RASA2: variants seen among roughly 807,000 people sequenced by gnomAD.
The protein encoded by RASA2 is RAS p21 protein activator 2.
RASA2 carries 155 observed loss-of-function variants against 118.2 expected under a neutral mutation model. The ratio of observed to expected loss-of-function variants is 1.31; its 90% CI spans 1.15 to 1.50. The LOEUF (loss-of-function observed/expected upper bound fraction) is 1.50, where lower values mean the gene tolerates loss of function less well. Ranked by LOEUF, RASA2 falls within the 40% of genes most tolerant of loss-of-function variation. The probability of loss-of-function intolerance (pLI) is 0.00; values close to 1 mark genes in which losing one functional copy is unlikely to be tolerated. For missense variants in RASA2, 1,016 were observed against 1,009.6 expected, an observed-to-expected ratio of 1.01 and a Z score of -0.09; for synonymous variants, 353 against 349.1, an observed-to-expected ratio of 1.01 and a Z score of -0.12.
chr3:141,555,150 A>G (rs1192985734), intron 6 of RASA2, among the ~76,000 whole-genome samples: 1 of 152,180 alleles, frequency 6.6e-6, no homozygotes, highest in Non-Finnish European at 1.5e-5. Flanking sequence ...AATCCCAGCT[A>G]CTCGGGAGGC....
chr3:141,524,596 G>GT (rs2082159374), intron 3 of RASA2, among the ~76,000 whole-genome samples: 1 of 151,934 alleles, frequency 6.6e-6, no homozygotes, highest in East Asian at 1.9e-4. Flanking sequence ...TTGTTTGTTT[G>GT]TTTTTTTGAG....
At chr3:141,504,199 G>A (rs921233628) in intron 1 of RASA2, among the ~76,000 whole-genome samples, 3 of 152,192 alleles carry the variant, frequency 2.0e-5, no homozygotes, top group South Asian at 4.1e-4. Context: ...ACATTAGAGA[G>A]CCCTGAGGCT....
chr3:141,487,894 G>A (rs558868615), intron 1 of RASA2, among the ~76,000 whole-genome samples: 113 of 152,308 alleles, frequency 7.4e-4, no homozygotes, highest in African/African-American at 2.6e-3. Flanking sequence ...GCCGGGACTT[G>A]AATCGAGGGA....
At chr3:141,538,713 T>A (rs1357669409) in intron 4 of RASA2, among the ~76,000 whole-genome samples, 1 of 152,198 alleles carries the variant, frequency 6.6e-6, no homozygotes, top group African/African-American at 2.4e-5. Flanking sequence ...CTCACACTTT[T>A]CTTGACCTGG....
At chr3:141,495,867 A>G (rs1317107665) in intron 1 of RASA2, among the ~76,000 whole-genome samples, 1 of 152,252 alleles carries the variant, frequency 6.6e-6, no homozygotes, top group Non-Finnish European at 1.5e-5. Context: ...ATAGCAACTA[A>G]AAAGAATGAG....
intron 5 of RASA2, among the ~76,000 whole-genome samples, chr3:141,551,433 T>G (rs1035051875): frequency 2.6e-5 from 4 of 152,242 alleles, no homozygotes; most frequent in African/African-American, 9.6e-5. Flanking sequence ...CAGCCTCAGA[T>G]GATTTCCTCA....
At position 141,570,946 on chromosome 3, in the gene RASA2, T is replaced by G; in HGVS notation, c.898T>G (p.Ser300Ala). The change falls in exon 10 of 24, where the codon TCA becomes GCA. Residue 300 changes from serine to alanine, a missense_variant. Physicochemically the swap from Ser to Ala is moderately conservative, Grantham distance 99 (BLOSUM62 1). Coordinates refer to ENST00000286364, the MANE Select transcript of RASA2 (RefSeq NM_006506.5). ...LLQPRDNGNK[S>A]SKTDDLGSLR... Reference sequence around the variant, plus strand: ...ACAGCCAAGAGACAATGGAAACAAGTCATCCAAAACTGATGACCTGGGGTC... The same window carrying G: ...ACAGCCAAGAGACAATGGAAACAAGGCATCCAAAACTGATGACCTGGGGTC... 1 of 1,609,874 alleles carries G rather than the reference T, an allele frequency of 6.2e-7. No homozygotes were observed. Among genetic ancestry groups the G allele is most frequent in the Non-Finnish European group, 8.5e-7 (1 of 1,178,542 alleles).
intron 1 of RASA2, among the ~76,000 whole-genome samples, chr3:141,499,727 T>C (rs555086884): frequency 9.2e-5 from 14 of 152,152 alleles, no homozygotes; most frequent in Non-Finnish European, 1.8e-4. Context: ...GCCTCCCGAT[T>C]AGCTGGGACT....
intron 1 of RASA2, 55 bp downstream of exon 1, chr3:141,487,271 G>A: frequency 9.7e-6 from 12 of 1,237,458 alleles, no homozygotes; most frequent in Non-Finnish European, 1.2e-5. Flanking sequence ...GCGAGGCTGA[G>A]GGGGCGGCGG....
At chr3:141,532,164 A>G (rs1330271741) in intron 4 of RASA2, among the ~76,000 whole-genome samples, 5 of 152,150 alleles carry the variant, frequency 3.3e-5, no homozygotes, top group Non-Finnish European at 7.4e-5. Flanking sequence ...TTTTACAAAT[A>G]AGGCAAATGA....
chr3:141,538,246 T>C (rs1279770009), intron 4 of RASA2, among the ~76,000 whole-genome samples: 2 of 152,228 alleles, frequency 1.3e-5, no homozygotes, highest in African/African-American at 4.8e-5. Flanking sequence ...TTTGAGTTTC[T>C]AAAACTGAAA....
chr3:141,563,290 A>G (rs1232596167), intron 9 of RASA2, among the ~76,000 whole-genome samples: 1 of 152,108 alleles, frequency 6.6e-6, no homozygotes, highest in African/African-American at 2.4e-5. Flanking sequence ...TGACATATAT[A>G]TATATGAGTT....
chr3:141,512,136 T>C, intron 1 of RASA2, 27 bp from the exon 2 acceptor site: 1 of 1,477,324 alleles, frequency 6.8e-7, no homozygotes, highest in Non-Finnish European at 9.4e-7. Context: ...TGATATTTAA[T>C]AACAATTTTA....
Position 141,608,792 on chromosome 3 carries a change from G to T in RASA2, c.2225+95G>T, listed in dbSNP as rs568943654. The T allele has an allele frequency of 3.2e-5, 43 of 1,330,900 alleles. No homozygotes were observed. In the Admixed American group the frequency reaches 8.6e-4, roughly 27 times the overall value. The allele number at this position is 1,330,900 out of a possible 1,614,324, so 82.4% of individuals were successfully genotyped here. On this transcript the variant is annotated intron_variant, in intron 21 of 23. Transcript: ENST00000286364. ...TGTCCATGAAAAGGAATGACATACT[G>T]ATCCATGCAACAACAAGGATGGGAC...
intron 1 of RASA2, among the ~76,000 whole-genome samples, chr3:141,492,552 A>G (rs553424390): frequency 2.0e-5 from 3 of 152,378 alleles, no homozygotes; most frequent in South Asian, 2.1e-4. Context: ...ATTAATGACA[A>G]TGACTTTGGG....
chr3:141,518,049 TG>T (rs983526631), intron 3 of RASA2, among the ~76,000 whole-genome samples: 1 of 152,226 alleles, frequency 6.6e-6, no homozygotes, highest in African/African-American at 2.4e-5. Flanking sequence ...GTCACATTCC[TG>T]ATCTTTGCAC....
rs767782524 is a variant in RASA2, at chr3:141,516,425, C to T, written c.349C>T (p.Arg117Cys). The change falls in exon 3 of 24, where the codon CGT (arginine) becomes TGT (cysteine). Residue 117 changes from arginine to cysteine, a missense_variant. Physicochemically the swap from Arg to Cys is radical, Grantham distance 180. Around this residue, in one of 2 missense-constraint regions of RASA2, gnomAD observed 896 missense variants for 836.4 expected, o/e 1.07. Coordinates refer to ENST00000286364, the MANE Select transcript of RASA2 (RefSeq NM_006506.5). The stretch of plus-strand genomic sequence containing the variant: ...TAAGAATGTTTTACAAAGAGATCTC[C>T]GTATAGGTATGTACTATTCATAATT... The part of the protein sequence containing the change: ...YDKNVLQRDL[R>C]IGKVAIKKED... The T allele has an allele frequency of 7.2e-6, 11 of 1,531,744 alleles. No individual in the cohort carries two copies. The highest frequency in any genetic ancestry group is 2.6e-5 in the South Asian group (2 of 77,858). The allele number at this position is 1,531,744 out of a possible 1,614,324, so 94.9% of individuals were successfully genotyped here.
At chr3:141,549,250 C>T (rs928223444) in intron 5 of RASA2, among the ~76,000 whole-genome samples, 6 of 152,080 alleles carry the variant, frequency 3.9e-5, no homozygotes, top group African/African-American at 1.2e-4. Context: ...AGTTTTGCTC[C>T]TTCAGTTATG....
chr3:141,494,149 T>C (rs1011682824), intron 1 of RASA2, among the ~76,000 whole-genome samples: 2 of 152,236 alleles, frequency 1.3e-5, no homozygotes, highest in East Asian at 1.9e-4. Context: ...TGTAAGCATG[T>C]CATTTTTAAT....
Sources: gnomAD v4.1 joint callset for allele counts (sites outside exome capture counted in the v4.1 genomes callset) on GRCh38, gnomAD v4.1.1 for gene constraint, gnomAD v4.1.1 regional missense constraint, MANE v1.5 for transcripts, NCBI Gene and HGNC (gene_info 2026-07-23, HGNC 2026-07-21) for gene names.